Variants in RET observed in about 807,000 individuals in gnomAD.
RET encodes the protein proto-oncogene tyrosine-protein kinase receptor Ret.
In RET, 19 loss-of-function variants were observed where a neutral mutation model predicts 118.3. The ratio of observed to expected loss-of-function variants is 0.16; its 90% CI spans 0.11 to 0.24. The LOEUF (loss-of-function observed/expected upper bound fraction) is 0.24. RET is among the 10% of genes least tolerant of loss of function. The probability of loss-of-function intolerance (pLI) is 1.00; values close to 1 mark genes in which losing one functional copy is unlikely to be tolerated. For synonymous variants in RET, 597 were observed against 644.1 expected (o/e 0.93, Z 1.11); for missense variants, 1,219 against 1,502.1 (o/e 0.81, Z 3.12).
chr10:43,128,055 C>G, intron 19 of RET, 57 bp from the exon 20 acceptor site: 1 of 1,595,958 alleles, frequency 6.3e-7, no homozygotes, highest in Non-Finnish European at 8.6e-7. Flanking sequence ...GCCTTACTGT[C>G]TGCACTTGAA....
At chr10:43,120,809 T>TA (rs1372759636) in intron 15 of RET, among the ~76,000 whole-genome samples, 1 of 152,134 alleles carries the variant, frequency 6.6e-6, no homozygotes, top group Non-Finnish European at 1.5e-5. Context: ...TTGGCCCTCT[T>TA]AGTTTTTCTG....
chr10:43,080,576 G>A (rs760377024), intron 1 of RET, among the ~76,000 whole-genome samples: 2 of 152,236 alleles, frequency 1.3e-5, no homozygotes, highest in African/African-American at 4.8e-5. Context: ...GGTCCAGGGT[G>A]GGGCTAAGGA....
intron 3 of RET, among the ~76,000 whole-genome samples, chr10:43,104,361 AC>A (rs1378256677): frequency 6.6e-6 from 1 of 151,176 alleles, no homozygotes; most frequent in East Asian, 1.9e-4. Context: ...TACTAAAAAT[AC>A]AAAAATTAGC....
Position 43,126,645 on chromosome 10 carries a change from A to C in RET, c.3110A>C (p.Glu1037Ala). 6.2e-7 allele frequency: 1 copy of C among 1,614,024 alleles called. No homozygotes were observed. The highest frequency in any genetic ancestry group is 2.2e-5 in the East Asian group (1 of 44,870). The change falls in exon 19 of 20, where the codon GAG (glutamate) becomes GCG (alanine). Residue 1037 changes from glutamate (E) to alanine (A), a missense_variant. Glu to Ala is a moderately radical substitution (Grantham distance 107, BLOSUM62 -1). Around this residue, in one of 5 missense-constraint regions of RET, gnomAD observed 174 missense variants for 179.3 expected, o/e 0.97. Coordinates refer to ENST00000355710, the MANE Select transcript of RET (RefSeq NM_020975.6). ...LIYDDGLSEE[E>A]TPLVDCNNAP... ...TATGACGACGGCCTCTCAGAGGAGG[A>C]GACACCGCTGGTGGACTGTAATAAT...
At chr10:43,119,400 G>A (rs1838147883) in intron 13 of RET, 131 bp from the exon 14 acceptor site, 1 of 696,498 alleles carries the variant, frequency 1.4e-6, no homozygotes, top group African/African-American at 1.8e-5. Flanking sequence ...TGCTGCCTGA[G>A]GCAGGGCTGT....
At chr10:43,111,076 TC>T (rs1463091874) in intron 6 of RET, 130 bp from the exon 7 acceptor site, 4 of 1,303,376 alleles carry the variant, frequency 3.1e-6, no homozygotes, top group Middle Eastern at 2.2e-4. Context: ...GACAGGGTGC[TC>T]GGGGGGGCTG....
rs1437042916 is a variant in RET, at chr10:43,129,094, G to A, written c.*825G>A. The A allele has an allele frequency of 1.7e-5, 4 of 233,430 alleles. No individual in the cohort carries two copies. Among genetic ancestry groups the A allele is most frequent in the Non-Finnish European group, 3.4e-5 (4 of 118,164 alleles). The allele number at this position is 233,430 out of a possible 1,614,324, so 14.5% of individuals were successfully genotyped here. ...TGATGAGAACAGTATGAAGAAAGGG[G>A]GCTGTTGGAGTCCCAGAATTGCTGA... is the stretch of plus-strand genomic sequence containing the variant. On this transcript the variant is annotated 3_prime_UTR_variant, in exon 20 of 20. Transcript: ENST00000355710.
At chr10:43,095,171 T>C (rs1056112908) in intron 1 of RET, among the ~76,000 whole-genome samples, 4 of 152,078 alleles carry the variant, frequency 2.6e-5, no homozygotes, top group Non-Finnish European at 4.4e-5. Context: ...GCAGGAACTA[T>C]CCTTAGGGCA....
intron 12 of RET, among the ~76,000 whole-genome samples, 181 bp downstream of exon 12, chr10:43,116,912 C>G (rs1184447429): frequency 6.6e-6 from 1 of 152,256 alleles, no homozygotes; most frequent in Non-Finnish European, 1.5e-5. Context: ...GGACTTTGCT[C>G]TCCCTGGAAG....
Position 43,129,090 on chromosome 10 carries a change from A to AG in RET, c.*826dup, listed in dbSNP as rs1838395189. 2 of 233,594 alleles carry AG rather than the reference A, an allele frequency of 8.6e-6. No homozygotes were observed. The highest frequency in any genetic ancestry group is 1.1e-4 in the Admixed American group (2 of 17,796). The allele number at this position is 233,594 out of a possible 1,614,324, so 14.5% of individuals were successfully genotyped here. A position where few individuals can be genotyped will look rare whatever the true frequency, so the allele number is the denominator to read the frequency against. ...CCCCTGATGAGAACAGTATGAAGAAAGGGGGCTGTTGGAGTCCCAGAATTG... is the reference window on the plus strand; with the variant it reads ...CCCCTGATGAGAACAGTATGAAGAAAGGGGGGCTGTTGGAGTCCCAGAATTG... On this transcript the variant is annotated 3_prime_UTR_variant, in exon 20 of 20. Transcript: ENST00000355710.
At chr10:43,113,460 T>G in intron 9 of RET, 96 bp from the exon 10 acceptor site, 26 of 1,372,372 alleles carry the variant, frequency 1.9e-5, no homozygotes, top group Non-Finnish European at 2.3e-5. Context: ...GCGACACCAG[T>G]TGGGGAGGGG....
In RET at chr10:43,106,073, G is replaced by A. The variant is rs1381600126; in HGVS notation, c.868-303G>A. Among the ~76,000 whole-genome samples, 2 of 152,096 alleles carry A rather than the reference G, an allele frequency of 1.3e-5. No individual in the cohort carries two copies. Among genetic ancestry groups the A allele is most frequent in the Admixed American group, 1.3e-4 (2 of 15,274 alleles). On this transcript the variant is annotated intron_variant, in intron 4 of 19. Coordinates refer to ENST00000355710, the MANE Select transcript of RET (RefSeq NM_020975.6). The surrounding 1 kb of genome is among the most constrained non-coding windows in gnomAD (Gnocchi z 5.1). ...GGAGGTGCTCATCCTGCTCTCTGGGGACCTGGATGGGACCTGCCAGCAGGG... is the reference window on the plus strand; with the variant it reads ...GGAGGTGCTCATCCTGCTCTCTGGGAACCTGGATGGGACCTGCCAGCAGGG...
intron 15 of RET, among the ~76,000 whole-genome samples, chr10:43,121,704 A>G (rs758537080): frequency 7.9e-5 from 12 of 152,198 alleles, no homozygotes; most frequent in Non-Finnish European, 1.5e-5. Context: ...GCATGTGACA[A>G]GCTGGCCCTG....
At chr10:43,126,871 C>T in intron 19 of RET, 149 bp downstream of exon 19, 1 of 1,459,604 alleles carries the variant, frequency 6.9e-7, no homozygotes, top group Non-Finnish European at 9.0e-7. Flanking sequence ...TCTGACTTTG[C>T]ATCCAGTTTA....
rs772684105 is a variant in RET at position 43,119,682 on chromosome 10, G to A, written c.2544G>A (p.Met848Ile). The A allele has an allele frequency of 9.9e-6, 16 of 1,613,388 alleles. No homozygotes were observed. The highest frequency in any genetic ancestry group is 1.1e-5 in the South Asian group (1 of 91,094). Residue 848 changes from methionine to isoleucine, a missense_variant, in exon 14 of 20, where the codon ATG (methionine) becomes ATA (isoleucine). Met to Ile is a conservative substitution (Grantham distance 10, BLOSUM62 1). This residue lies in a region of RET where 850 missense variants were observed against 969.6 expected (regional missense o/e 0.88). Coordinates refer to ENST00000355710, the MANE Select transcript of RET (RefSeq NM_020975.6). ...ACCCGGATGAGCGGGCCCTCACCAT[G>A]GGCGACCTCATCTCATTTGCCTGGC... ...LDHPDERALT[M>I]GDLISFAWQI...
chr10:43,125,743 C>A (rs1195067932), intron 18 of RET, among the ~76,000 whole-genome samples: 1 of 152,198 alleles, frequency 6.6e-6, no homozygotes, highest in Admixed American at 6.5e-5. Flanking sequence ...CAGGCCTTGT[C>A]TTAACATTGG....
In RET at chr10:43,119,517, C is replaced by G. The variant is rs144269978; in HGVS notation, c.2393-14C>G. On this transcript the variant is annotated splice_polypyrimidine_tract_variant and intron_variant, in intron 13 of 19. Transcript: ENST00000355710. ...CTGACCCGCACGCCCAGGGCCCCCTCTCTCCGCCCCCAGGCCCGCTCCTCC... is the reference window on the plus strand; with the variant it reads ...CTGACCCGCACGCCCAGGGCCCCCTGTCTCCGCCCCCAGGCCCGCTCCTCC... 19 of 1,585,850 alleles carry G rather than the reference C, an allele frequency of 1.2e-5. No individual in the cohort carries two copies. In the African/African-American group the frequency reaches 2.3e-4, roughly 19 times the overall value.
intron 3 of RET, chr10:43,102,937 T>A (rs1361815516): frequency 2.2e-6 from 1 of 452,382 alleles, no homozygotes; most frequent in African/African-American, 2.0e-5. Context: ...GGGAGGAAAC[T>A]GGGAAGAGGG....
At chr10:43,084,994 A>C (rs981620991) in intron 1 of RET, among the ~76,000 whole-genome samples, 8 of 152,174 alleles carry the variant, frequency 5.3e-5, no homozygotes, top group African/African-American at 1.9e-4. Context: ...GATCCGCTGT[A>C]AGTTGATTAT....
Sources: gnomAD v4.1 joint callset for allele counts (sites outside exome capture counted in the v4.1 genomes callset) on GRCh38, gnomAD v4.1.1 for gene constraint, gnomAD v4.1.1 regional missense constraint, Gnocchi (gnomAD v3.1) non-coding constraint, MANE v1.5 for transcripts, NCBI Gene and HGNC (gene_info 2026-07-23, HGNC 2026-07-21) for gene names.